The following INTS15 variants were observed in gnomAD, a reference collection of about 807,000 sequenced individuals.
The protein encoded by INTS15 is integrator complex subunit 15.
the INTS15 span, chr7:6,600,262 C>T: frequency 1.2e-6 from 2 of 1,614,200 alleles, no homozygotes; most frequent in African/African-American, 2.7e-5. Flanking sequence ...AACTGAACCC[C>T]CTCAACGCCT....
chr7:6,595,365 T>G, the INTS15 span, among the ~76,000 whole-genome samples: 2 of 152,170 alleles, frequency 1.3e-5, no homozygotes, highest in East Asian at 3.9e-4. Flanking sequence ...AGTTTCACTG[T>G]GTTGCCCAGT....
At chr7:6,595,223 G>A in the INTS15 span, among the ~76,000 whole-genome samples, 1 of 152,106 alleles carries the variant, frequency 6.6e-6, no homozygotes, top group African/African-American at 2.4e-5. Flanking sequence ...ATAGAGACAG[G>A]GTTTCGCCAT....
the INTS15 span, among the ~76,000 whole-genome samples, chr7:6,604,168 C>G: frequency 6.6e-6 from 1 of 152,148 alleles, no homozygotes; most frequent in African/African-American, 2.4e-5. Context: ...CCTCTGCGTC[C>G]TGGGCTCAAG....
chr7:6,607,748 G>A, the INTS15 span: 1 of 1,495,274 alleles, frequency 6.7e-7, no homozygotes. The surrounding 1 kb of genome is among the most constrained non-coding windows in gnomAD (Gnocchi z 6.0). Context: ...TGGGCCACAG[G>A]CCCCGTGCAG....
At chr7:6,601,736 A>G in the INTS15 span, among the ~76,000 whole-genome samples, 1 of 147,918 alleles carries the variant, frequency 6.8e-6, no homozygotes, top group East Asian at 2.0e-4. Context: ...GGCTTACTGC[A>G]ACCTCCCTCT....
At chr7:6,605,282 C>T in the INTS15 span, among the ~76,000 whole-genome samples, 1 of 152,100 alleles carries the variant, frequency 6.6e-6, no homozygotes, top group African/African-American at 2.4e-5. Context: ...AGCCACTGTA[C>T]CTGGCCTCTT....
At chr7:6,596,814 G>A in the INTS15 span, among the ~76,000 whole-genome samples, 191 of 151,114 alleles carry the variant, frequency 1.3e-3, 1 homozygote, top group African/African-American at 4.5e-3. Context: ...ACAGAGTCTC[G>A]CTCTGTCGCC....
At chr7:6,608,524 C>A in the INTS15 span, 1 of 1,143,568 alleles carries the variant, frequency 8.7e-7, no homozygotes, top group Admixed American at 4.7e-5. Context: ...CTCGTGAAGA[C>A]GATGTGTCCC....
the INTS15 span, among the ~76,000 whole-genome samples, chr7:6,595,736 CG>C: frequency 6.6e-5 from 10 of 152,074 alleles, no homozygotes; most frequent in African/African-American, 2.4e-4. Context: ...TGCTGGAATA[CG>C]GTGGTGCAGT....
chr7:6,590,321 C>G, the INTS15 span: 4 of 1,591,140 alleles, frequency 2.5e-6, no homozygotes, highest in African/African-American at 5.5e-5. Context: ...CGCCGCGATG[C>G]GCTGAGCGCC....
chr7:6,606,101 A>G, the INTS15 span, among the ~76,000 whole-genome samples: 2 of 152,186 alleles, frequency 1.3e-5, no homozygotes, highest in African/African-American at 4.8e-5. Flanking sequence ...TACAGGTTCA[A>G]ATCATCACAT....
At chr7:6,594,440 G>T in the INTS15 span, 1 of 1,613,980 alleles carries the variant, frequency 6.2e-7, no homozygotes, top group South Asian at 1.1e-5. Flanking sequence ...TCCAGCGGAC[G>T]CCCGTGGTTT....
chr7:6,594,261 C>T, the INTS15 span, among the ~76,000 whole-genome samples: 3 of 152,068 alleles, frequency 2.0e-5, no homozygotes, highest in African/African-American at 7.2e-5. Context: ...CCGCCTCGGC[C>T]TCTCAAAGTG....
the INTS15 span, among the ~76,000 whole-genome samples, chr7:6,592,434 G>A: frequency 4.6e-5 from 7 of 150,688 alleles, no homozygotes; most frequent in Admixed American, 2.0e-4. Flanking sequence ...AGGCGTGGTA[G>A]CACGCGCCTG....
chr7:6,608,406 T>A, the INTS15 span: 1 of 1,381,864 alleles, frequency 7.2e-7, no homozygotes, highest in East Asian at 2.8e-5. Flanking sequence ...TTTTAAAAGA[T>A]GCCGATCCTG....
At chr7:6,591,745 C>T in the INTS15 span, 4 of 1,614,112 alleles carry the variant, frequency 2.5e-6, no homozygotes, top group East Asian at 4.5e-5. Flanking sequence ...TTTTTCATCC[C>T]TTTTCAGCCC....
the INTS15 span, chr7:6,608,047 C>T: frequency 1.9e-6 from 3 of 1,599,638 alleles, no homozygotes; most frequent in Non-Finnish European, 2.5e-6. Flanking sequence ...TCCACACGCC[C>T]CCGCTGGGCT....
the INTS15 span, chr7:6,608,516 C>T: frequency 8.7e-7 from 1 of 1,156,016 alleles, no homozygotes. Flanking sequence ...CCTCTTTCCT[C>T]GTGAAGACGA....
chr7:6,592,331 CG>C, the INTS15 span, among the ~76,000 whole-genome samples: 1 of 151,938 alleles, frequency 6.6e-6, no homozygotes, highest in South Asian at 2.1e-4. Flanking sequence ...TTTGGGAGGC[CG>C]AAGGGGGGCA....
Sources: allele counts gnomAD v4.1 joint callset (sites outside exome capture counted in the v4.1 genomes callset), GRCh38; gene constraint gnomAD v4.1.1; non-coding constraint Gnocchi (gnomAD v3.1); transcripts MANE v1.5; gene names NCBI Gene and HGNC (gene_info 2026-07-23, HGNC 2026-07-21).